BAIAP2L1: variants seen among roughly 807,000 people sequenced by gnomAD.
BAIAP2L1 encodes the protein BAR/IMD domain containing adaptor protein 2 like 1, also known as BAR/IMD domain-containing adapter protein 2-like 1.
Under a neutral mutation model 66.3 loss-of-function variants are expected in BAIAP2L1, and 35 were observed. The observed-to-expected ratio is 0.53, with a 90% CI of 0.40 to 0.70. The LOEUF (loss-of-function observed/expected upper bound fraction) is 0.70, where lower values mean the gene tolerates loss of function less well. BAIAP2L1 is among the 30% of genes least tolerant of loss of function. The probability of loss-of-function intolerance (pLI) is 0.00; values close to 1 mark genes in which losing one functional copy is unlikely to be tolerated. For missense variants in BAIAP2L1, 622 were observed against 656.9 expected (o/e 0.95, Z 0.58); for synonymous variants, 269 against 248.7 (o/e 1.08, Z -0.77).
rs183670544 is a variant in BAIAP2L1 at position 98,292,665 on chromosome 7, C to T, written c.*856G>A. 7.5e-5 allele frequency: 116 copies of T among 1,551,660 alleles called. No individual in the cohort carries two copies. The East Asian group carries it at 9.0e-4, about 12-fold the overall frequency. Reference sequence around the variant, plus strand: ...CACCAGAGGTCATCCTGGCTTTACACGTATCCTTTGAGAGTCTGTACCTGA... The same window carrying T: ...CACCAGAGGTCATCCTGGCTTTACATGTATCCTTTGAGAGTCTGTACCTGA... On this transcript the variant is annotated 3_prime_UTR_variant, in exon 14 of 14. Coordinates refer to ENST00000005260, the MANE Select transcript of BAIAP2L1 (RefSeq NM_018842.5).
chr7:98,302,588 GGGAACGCAGAAA>G (rs150628574), intron 12 of BAIAP2L1, among the ~76,000 whole-genome samples: 60,966 of 151,832 alleles, frequency 0.4, 13,335 homozygotes, highest in Middle Eastern at 0.54. Context: ...GGAGACACGG[GGGAACGCAGAAA>G]GGACACCAAC....
intron 2 of BAIAP2L1, among the ~76,000 whole-genome samples, chr7:98,357,051 T>TA (rs1562782964): frequency 1.2e-3 from 12 of 10,186 alleles, no homozygotes; most frequent in East Asian, 4.1e-3. Context: ...ATATATATAT[T>TA]TTTTTTTTTT....
chr7:98,397,312 T>C (rs368620397), intron 1 of BAIAP2L1, among the ~76,000 whole-genome samples: 10 of 146,710 alleles, frequency 6.8e-5, no homozygotes, highest in African/African-American at 2.3e-4. Context: ...CTCCACTTCT[T>C]AAGCCCTTTT....
chr7:98,298,101 T>C (rs1425870118), intron 12 of BAIAP2L1, among the ~76,000 whole-genome samples: 4 of 152,132 alleles, frequency 2.6e-5, no homozygotes, highest in Non-Finnish European at 5.9e-5. Flanking sequence ...ACGTGACCTG[T>C]GGCAAACCCC....
At chr7:98,367,109 T>G (rs1370445118) in intron 1 of BAIAP2L1, among the ~76,000 whole-genome samples, 1 of 151,670 alleles carries the variant, frequency 6.6e-6, no homozygotes, top group African/African-American at 2.4e-5. Context: ...TCCAGGCTGG[T>G]CTGTCCACAG....
chr7:98,321,979 C>G (rs1054838024), intron 3 of BAIAP2L1, among the ~76,000 whole-genome samples: 1 of 152,036 alleles, frequency 6.6e-6, no homozygotes, highest in Admixed American at 6.6e-5. Context: ...GCCTGTAATC[C>G]CAGCTACTTG....
At chr7:98,372,701 G>T (rs1279075967) in intron 1 of BAIAP2L1, among the ~76,000 whole-genome samples, 1 of 150,824 alleles carries the variant, frequency 6.6e-6, no homozygotes, top group African/African-American at 2.4e-5. Context: ...CTGTAATGAG[G>T]GTTAACTGAG....
Position 98,292,951 on chromosome 7 carries a change from G to C in BAIAP2L1, c.*570C>G. The C allele has an allele frequency of 8.1e-7, 1 of 1,237,014 alleles. No individual in the cohort carries two copies. Among genetic ancestry groups the C allele is most frequent in the Non-Finnish European group, 1.0e-6 (1 of 988,734 alleles). The allele number at this position is 1,237,014 out of a possible 1,614,324, so 76.6% of individuals were successfully genotyped here. Reference sequence around the variant, plus strand: ...TCTTAGCACTCTACAGCTCTGGCGTGGTTGGAGGGAGGGTGGGGGTTTCTC... The same window carrying C: ...TCTTAGCACTCTACAGCTCTGGCGTCGTTGGAGGGAGGGTGGGGGTTTCTC... On this transcript the variant is annotated 3_prime_UTR_variant, in exon 14 of 14. Transcript: ENST00000005260.
chr7:98,350,287 G>A (rs375237945), intron 3 of BAIAP2L1, among the ~76,000 whole-genome samples: 1 of 151,992 alleles, frequency 6.6e-6, no homozygotes, highest in Non-Finnish European at 1.5e-5. Flanking sequence ...CAGGTACCTT[G>A]GCAGCGAGAA....
At chr7:98,300,510 A>G (rs941474995) in intron 12 of BAIAP2L1, among the ~76,000 whole-genome samples, 12 of 152,190 alleles carry the variant, frequency 7.9e-5, no homozygotes, top group African/African-American at 2.9e-4. Context: ...TTATCAGGAA[A>G]GCGTACTGAT....
At position 98,364,986 on chromosome 7, in the gene BAIAP2L1, C is replaced by CAAAAAAAAAAAAAA. The variant is rs531177927; in HGVS notation, c.52-2568_52-2555dup. Among the ~76,000 whole-genome samples, 20 of 30,800 alleles carry CAAAAAAAAAAAAAA rather than the reference C, an allele frequency of 6.5e-4. 5 individuals carry two copies. The highest frequency in any genetic ancestry group is 9.1e-4 in the Non-Finnish European group (17 of 18,656). The allele number at this position is 30,800 out of a possible 152,430, so 20.2% of individuals were successfully genotyped here. On this transcript the variant is annotated intron_variant, in intron 1 of 13. Transcript: ENST00000005260. ...TGGGTGACAGAGTGAGGATATGTCTCAAAAAAAAAAAAAAAAAAAAAAAAA... is the reference window on the plus strand; with the variant it reads ...TGGGTGACAGAGTGAGGATATGTCTCAAAAAAAAAAAAAAAAAAAAAAAAAAAAAAAAAAAAAAA...
intron 3 of BAIAP2L1, among the ~76,000 whole-genome samples, chr7:98,334,165 TAAG>T (rs556464943): frequency 3.9e-3 from 595 of 152,230 alleles, no homozygotes; most frequent in Non-Finnish European, 5.7e-3. Context: ...TTTAATCAAA[TAAG>T]AAGAAAAAGA....
intron 2 of BAIAP2L1, among the ~76,000 whole-genome samples, chr7:98,356,728 G>C (rs143563166): frequency 6.8e-6 from 1 of 148,086 alleles, no homozygotes; most frequent in African/African-American, 2.5e-5. Context: ...TGTACTCCTA[G>C]CATTTTGCGA....
In BAIAP2L1 at chr7:98,350,865, G is replaced by GT. The variant is rs549052923; in HGVS notation, c.214+4176dup. Among the ~76,000 whole-genome samples the GT allele has an allele frequency of 8.0e-4, 119 of 149,550 alleles. 1 individual carries two copies. The highest frequency in any genetic ancestry group is 4.4e-3 in the East Asian group (22 of 4,950). ...AACAGCAATTATGAAGTTTTTGTTT[G>GT]TTTTTTTTTGAGATGGAGTCTCACT... On this transcript the variant is annotated intron_variant, in intron 3 of 13. Coordinates refer to ENST00000005260, the MANE Select transcript of BAIAP2L1 (RefSeq NM_018842.5).
chr7:98,385,936 A>G (rs892283753), intron 1 of BAIAP2L1: 13 of 1,459,116 alleles, frequency 8.9e-6, no homozygotes, highest in African/African-American at 1.4e-5. Context: ...GGGCTTCTTC[A>G]GCATTTTTAC....
intron 1 of BAIAP2L1, among the ~76,000 whole-genome samples, chr7:98,396,068 C>A (rs537333826): frequency 1.4e-4 from 22 of 152,148 alleles, no homozygotes; most frequent in African/African-American, 4.8e-4. Context: ...AGTTTTTAGT[C>A]AAAAAATAAT....
intron 2 of BAIAP2L1, among the ~76,000 whole-genome samples, chr7:98,356,994 C>CAAAAAAAAAAA (rs1171832329): frequency 4.1e-4 from 1 of 2,426 alleles, no homozygotes; most frequent in Non-Finnish European, 6.9e-4. Context: ...GCCCCTGTCT[C>CAAAAAAAAAAA]AAAAAAAAAA....
chr7:98,301,613 G>A (rs541944439), intron 12 of BAIAP2L1, among the ~76,000 whole-genome samples: 189 of 152,086 alleles, frequency 1.2e-3, no homozygotes, highest in Non-Finnish European at 2.3e-3. Context: ...CACCGTGCCC[G>A]GCCAAGCCTT....
At chr7:98,358,190 G>A (rs559918059) in intron 2 of BAIAP2L1, among the ~76,000 whole-genome samples, 4 of 151,964 alleles carry the variant, frequency 2.6e-5, no homozygotes, top group Non-Finnish European at 4.4e-5. Context: ...TAACCTTCTC[G>A]GTCTTGTAAA....
Sources: gnomAD v4.1 joint callset for allele counts (sites outside exome capture counted in the v4.1 genomes callset) on GRCh38, gnomAD v4.1.1 for gene constraint, MANE v1.5 for transcripts, NCBI Gene and HGNC (gene_info 2026-07-23, HGNC 2026-07-21) for gene names.